Variants in SLC22A24 observed in about 807,000 individuals in gnomAD.
SLC22A24 encodes solute carrier family 22 member 24.
Under a neutral mutation model 49.8 loss-of-function variants are expected in SLC22A24, and 53 were observed. The ratio of observed to expected loss-of-function variants is 1.06; its 90% confidence interval spans 0.85 to 1.34. The LOEUF (loss-of-function observed/expected upper bound fraction) is 1.34. SLC22A24 is among the 40% of genes most tolerant of loss of function. The pLI is 0.00. For synonymous variants in SLC22A24, 302 were observed against 256.4 expected (o/e 1.18, Z -1.70); for missense variants, 786 against 675.9 (o/e 1.16, Z -1.81).
intron 5 of SLC22A24, among the ~76,000 whole-genome samples, chr11:63,099,347 C>A (rs917668579): frequency 1.3e-4 from 19 of 142,592 alleles, no homozygotes; most frequent in Non-Finnish European, 1.5e-5. Context: ...CAGTCTGTAC[C>A]ACCACACCTG....
intron 5 of SLC22A24, among the ~76,000 whole-genome samples, chr11:63,098,751 C>G (rs2087071041): frequency 6.6e-6 from 1 of 151,656 alleles, no homozygotes; most frequent in Admixed American, 6.6e-5. Flanking sequence ...CAAGGGCAAA[C>G]CAAACCCCCA....
intron 4 of SLC22A24, among the ~76,000 whole-genome samples, chr11:63,113,043 T>TATATATACACAC (rs1565332006): frequency 1.4e-4 from 1 of 7,218 alleles, no homozygotes; most frequent in African/African-American, 2.0e-4. Context: ...AAAATATATA[T>TATATATACACAC]ATATATATAT....
Position 63,091,877 on chromosome 11 carries a change from A to G in SLC22A24, c.1070+4114T>C, listed in dbSNP as rs151273873. ...AAAGATACCCTCTCTGACCACTCCTATTCAACATAGTATTGGAAGTTCTGG... is the reference window on the plus strand; with the variant it reads ...AAAGATACCCTCTCTGACCACTCCTGTTCAACATAGTATTGGAAGTTCTGG... On this transcript the variant is annotated intron_variant, in intron 6 of 9. Transcript: ENST00000612278. Among the ~76,000 whole-genome samples, 260 of 152,308 alleles carry G rather than the reference A, an allele frequency of 1.7e-3. 1 individual carries two copies. The highest frequency in any genetic ancestry group is 6.1e-3 in the African/African-American group (253 of 41,578).
At chr11:63,085,115 C>T (rs547197569) in intron 6 of SLC22A24, among the ~76,000 whole-genome samples, 2 of 152,012 alleles carry the variant, frequency 1.3e-5, no homozygotes, top group East Asian at 3.9e-4. Context: ...CATTATTCGA[C>T]ATGAATTATT....
At chr11:63,092,794 A>T (rs1003791402) in intron 6 of SLC22A24, among the ~76,000 whole-genome samples, 6 of 152,062 alleles carry the variant, frequency 3.9e-5, no homozygotes, top group African/African-American at 1.4e-4. Flanking sequence ...CAAAGACTTC[A>T]TGACTAAAAC....
At position 63,143,828 on chromosome 11, in the gene SLC22A24, G is replaced by A; in HGVS notation, c.-49C>T. ...AGAGGAAGCACAATGACTTTATGAA[G>A]AGAAGTTCAGAGGGAGAAAATGTCC... On this transcript the variant is annotated 5_prime_UTR_variant, in exon 1 of 10. Transcript: ENST00000612278. The A allele has an allele frequency of 7.7e-7, 1 of 1,298,818 alleles. No homozygotes were observed. Among genetic ancestry groups the A allele is most frequent in the Non-Finnish European group, 9.8e-7 (1 of 1,016,738 alleles). 80.5% of individuals were successfully genotyped at this position (1,298,818 alleles called of 1,614,324 possible).
chr11:63,108,843 C>CT (rs200986053), intron 4 of SLC22A24, among the ~76,000 whole-genome samples: 200 of 143,970 alleles, frequency 1.4e-3, no homozygotes, highest in Non-Finnish European at 1.3e-3. Context: ...CTTTACATTT[C>CT]TTTTTTTTTA....
At chr11:63,127,824 T>TC (rs2087302848) in intron 2 of SLC22A24, among the ~76,000 whole-genome samples, 1 of 152,100 alleles carries the variant, frequency 6.6e-6, no homozygotes, top group African/African-American at 2.4e-5. Context: ...TTGATTTTTT[T>TC]TTGTAAATTT....
At chr11:63,107,031 C>G (rs1487539728) in intron 4 of SLC22A24, among the ~76,000 whole-genome samples, 1 of 152,138 alleles carries the variant, frequency 6.6e-6, no homozygotes. Flanking sequence ...ATGGTATTGA[C>G]TAGGTTTTCT....
intron 4 of SLC22A24, 144 bp downstream of exon 4, chr11:63,118,768 G>T (rs2087229428): frequency 7.3e-6 from 6 of 817,326 alleles, no homozygotes; most frequent in African/African-American, 1.7e-5. Context: ...TCCATTGTTT[G>T]CTTCTCAGGT....
intron 4 of SLC22A24, among the ~76,000 whole-genome samples, chr11:63,105,318 C>A (rs945289665): frequency 2.0e-5 from 3 of 152,106 alleles, no homozygotes; most frequent in African/African-American, 7.2e-5. Context: ...CACAGCTCCA[C>A]TCAGCAGTGT....
chr11:63,084,498 A>G (rs1311839581), intron 6 of SLC22A24, among the ~76,000 whole-genome samples: 1 of 152,112 alleles, frequency 6.6e-6, no homozygotes, highest in Non-Finnish European at 1.5e-5. Flanking sequence ...GCCTAGAGAG[A>G]AAATGTATGC....
At chr11:63,092,618 C>T (rs2087027864) in intron 6 of SLC22A24, among the ~76,000 whole-genome samples, 1 of 145,822 alleles carries the variant, frequency 6.9e-6, no homozygotes, top group African/African-American at 2.5e-5. Context: ...AATTAATGTG[C>T]TGGGAAAACT....
chr11:63,085,114 A>G (rs971713258), intron 6 of SLC22A24, among the ~76,000 whole-genome samples: 1 of 152,122 alleles, frequency 6.6e-6, no homozygotes, highest in African/African-American at 2.4e-5. Context: ...TCATTATTCG[A>G]CATGAATTAT....
intron 4 of SLC22A24, among the ~76,000 whole-genome samples, chr11:63,109,754 G>A (rs989967137): frequency 6.6e-6 from 1 of 152,140 alleles, no homozygotes; most frequent in African/African-American, 2.4e-5. Flanking sequence ...TTAGCCCTTT[G>A]TCAGATGAGT....
intron 4 of SLC22A24, among the ~76,000 whole-genome samples, chr11:63,109,750 C>T (rs1272644897): frequency 6.6e-6 from 1 of 152,062 alleles, no homozygotes; most frequent in African/African-American, 2.4e-5. Context: ...GATATTAGCC[C>T]TTTGTCAGAT....
intron 4 of SLC22A24, among the ~76,000 whole-genome samples, chr11:63,118,223 A>ATT (rs5792277): frequency 9.2e-4 from 139 of 151,396 alleles, no homozygotes; most frequent in South Asian, 4.6e-3. Context: ...GTTAGCTGTT[A>ATT]TTTTTTTTTC....
At chr11:63,112,157 G>T (rs1485132719) in intron 4 of SLC22A24, among the ~76,000 whole-genome samples, 2 of 152,136 alleles carry the variant, frequency 1.3e-5, no homozygotes. Context: ...TAGTTGAGTG[G>T]TTTTGAGTGA....
intron 5 of SLC22A24, among the ~76,000 whole-genome samples, chr11:63,098,416 C>T (rs182415695): frequency 6.6e-6 from 1 of 152,250 alleles, no homozygotes; most frequent in Non-Finnish European, 1.5e-5. Flanking sequence ...TGCCTATAAT[C>T]TCAGCACTTG....
Sources: gnomAD v4.1 joint callset for allele counts (sites outside exome capture counted in the v4.1 genomes callset) on GRCh38, gnomAD v4.1.1 for gene constraint, MANE v1.5 for transcripts, NCBI Gene and HGNC (gene_info 2026-07-23, HGNC 2026-07-21) for gene names.